SERF2: variants seen among roughly 807,000 people sequenced by gnomAD.
SERF2 encodes gastric cancer-related protein VRG107.
Under a neutral mutation model 10.7 loss-of-function variants are expected in SERF2, and 4 were observed. The ratio of observed to expected loss-of-function variants is 0.37; its 90% confidence interval spans 0.18 to 0.86. The LOEUF is 0.86. Ranked by LOEUF, SERF2 falls within the 40% of genes least tolerant of loss-of-function variation. The probability of loss-of-function intolerance (pLI) is 0.43; values close to 1 mark genes in which losing one functional copy is unlikely to be tolerated. For missense variants in SERF2, 47 were observed against 79.1 expected (o/e 0.59, Z 1.54); for synonymous variants, 26 against 26.0 (o/e 1.00, Z 0.01).
rs1002268292 is a variant in SERF2, at chr15:43,792,442, G to C, written c.7+59G>C. ...CTTTCCGTTCACCCTAAACACCACC[G>C]GCGAGGCGCCGGCTTTGACCTTCCG... On this transcript the variant is annotated intron_variant, in intron 1 of 2. Coordinates refer to ENST00000249786, the MANE Select transcript of SERF2 (RefSeq NM_001018108.4). The C allele has an allele frequency of 5.0e-6, 8 of 1,613,320 alleles. No homozygotes were observed. In the African/African-American group the frequency reaches 1.1e-4, roughly 22 times the overall value.
chr15:43,787,388 T>C (rs1184088571), upstream of SERF2, among the ~76,000 whole-genome samples: 3 of 152,132 alleles, frequency 2.0e-5, no homozygotes, highest in Non-Finnish European at 2.9e-5. Context: ...GAGTATAGGC[T>C]GGAGGGGAAG....
rs2087146309 is a variant in SERF2 at position 43,794,186 on chromosome 15, C to T, written c.*413C>T. The T allele has an allele frequency of 3.7e-6, 2 of 534,012 alleles. No homozygotes were observed. The highest frequency in any genetic ancestry group is 6.6e-6 in the Non-Finnish European group (2 of 303,788). 33.1% of individuals were successfully genotyped at this position (534,012 alleles called of 1,614,324 possible). ...ATAAGTGAAACATCACAGAAGAAGCCTTTATTATACAATGACAACCAAACA... is the reference window on the plus strand; with the variant it reads ...ATAAGTGAAACATCACAGAAGAAGCTTTTATTATACAATGACAACCAAACA... On this transcript the variant is annotated 3_prime_UTR_variant, in exon 3 of 3. Coordinates refer to ENST00000249786, the MANE Select transcript of SERF2 (RefSeq NM_001018108.4).
chr15:43,792,455 C>T, intron 1 of SERF2, 72 bp downstream of exon 1: 6 of 1,612,844 alleles, frequency 3.7e-6, no homozygotes, highest in East Asian at 2.2e-5. Flanking sequence ...GAGGCGCCGG[C>T]TTTGACCTTC....
intron 2 of SERF2, 69 bp downstream of exon 2, chr15:43,793,152 G>C (rs1055109226): frequency 4.1e-6 from 4 of 976,478 alleles, no homozygotes; most frequent in South Asian, 1.4e-5. Context: ...TAGAAGGAAA[G>C]AGAGCTACCT....
chr15:43,792,588 A>C, intron 1 of SERF2: 1 of 1,449,856 alleles, frequency 6.9e-7, no homozygotes, highest in South Asian at 1.4e-5. Flanking sequence ...GGTTAGGCAT[A>C]GGCCCTCCCG....
At chr15:43,780,300 C>T (rs1021267211) in intron 1 of SERF2, among the ~76,000 whole-genome samples, 6 of 147,214 alleles carry the variant, frequency 4.1e-5, no homozygotes, top group Non-Finnish European at 7.4e-5. Flanking sequence ...CCACCACGCC[C>T]GGCTAATTTT....
In SERF2 at chr15:43,795,725, C is replaced by T. The variant is rs2141689203; in HGVS notation, c.*1952C>T. On this transcript the variant is annotated 3_prime_UTR_variant, in exon 3 of 3. Transcript: ENST00000249786. ...CCACTGTTTCAGGGCAGCAGAAACA[C>T]AGTGAGGGCTTCTGCAAAACAGAAC... 1.2e-6 allele frequency: 2 copies of T among 1,613,984 alleles called. No homozygotes were observed. The highest frequency in any genetic ancestry group is 1.7e-6 in the Non-Finnish European group (2 of 1,179,942).
At chr15:43,787,142 G>A (rs1300290110) in intron 2 of SERF2, among the ~76,000 whole-genome samples, 1 of 152,122 alleles carries the variant, frequency 6.6e-6, no homozygotes, top group African/African-American at 2.4e-5. Flanking sequence ...TGGGACTACA[G>A]GCGCCTGCAA....
intron 2 of SERF2, 112 bp from the exon 3 acceptor site, chr15:43,793,598 G>A (rs2087125071): frequency 1.3e-6 from 2 of 1,591,322 alleles, no homozygotes; most frequent in African/African-American, 2.7e-5. Context: ...GCAGCCAAAC[G>A]CTGAACTTAG....
chr15:43,787,237 G>A (rs537915378), intron 2 of SERF2, among the ~76,000 whole-genome samples: 1 of 152,212 alleles, frequency 6.6e-6, no homozygotes, highest in African/African-American at 2.4e-5. Flanking sequence ...CTGACCTCAT[G>A]ATCAGCCCGC....
chr15:43,780,889 AT>A (rs2086959146), intron 1 of SERF2, among the ~76,000 whole-genome samples: 1 of 152,034 alleles, frequency 6.6e-6, no homozygotes, highest in South Asian at 2.1e-4. Flanking sequence ...TTTTTTCACA[AT>A]TTCACGAATA....
Position 43,793,762 on chromosome 15 carries a change from G to A in SERF2, c.169G>A (p.Glu57Lys). 10 of 1,614,196 alleles carry A rather than the reference G, an allele frequency of 6.2e-6. No homozygotes were observed. The highest frequency in any genetic ancestry group is 7.6e-6 in the Non-Finnish European group (9 of 1,180,022). The change falls in exon 3 of 3, where the codon GAA (glutamate) becomes AAA (lysine). Residue 57 changes from glutamate (E) to lysine (K), a missense_variant. Transcript: ENST00000249786. ...GAAAAAGGCAAACGAGAAGAAGGAG[G>A]AACCCAAGTAGCTTTGTGGCTTCGT... ...KQKKANEKKE[E>K]PK
At chr15:43,792,918 T>C (rs1596040252) in intron 1 of SERF2, 57 bp from the exon 2 acceptor site, 17 of 1,278,154 alleles carry the variant, frequency 1.3e-5, no homozygotes, top group Non-Finnish European at 1.9e-5. Context: ...GGTAGAAGGG[T>C]CGCCGGTGTG....
intron 1 of SERF2, among the ~76,000 whole-genome samples, chr15:43,784,562 G>T (rs577955832): frequency 6.6e-6 from 1 of 151,754 alleles, no homozygotes; most frequent in East Asian, 1.9e-4. Context: ...TCCGCCTTCC[G>T]GGTTCACGCC....
chr15:43,777,656 GC>G (rs1187032640), intron 1 of SERF2: 1 of 157,928 alleles, frequency 6.3e-6, no homozygotes, highest in Non-Finnish European at 1.4e-5. Context: ...TCACCTCGTG[GC>G]CTAAACACGC....
In SERF2 at chr15:43,794,031, A is replaced by C; in HGVS notation, c.*258A>C. On this transcript the variant is annotated 3_prime_UTR_variant, in exon 3 of 3. Transcript: ENST00000249786. ...GTGGGGCTCACCCCAAAGTATTAAA[A>C]GTAGCTTTGTAATTCCTTGAGCGCC... 1 of 1,419,634 alleles carries C rather than the reference A, an allele frequency of 7.0e-7. No homozygotes were observed. Among genetic ancestry groups the C allele is most frequent in the African/African-American group, 1.4e-5 (1 of 69,560 alleles). 87.9% of individuals were successfully genotyped at this position (1,419,634 alleles called of 1,614,324 possible). A position where few individuals can be genotyped will look rare whatever the true frequency, so the allele number is the denominator to read the frequency against.
chr15:43,794,194 T>C lies in SERF2; in HGVS notation c.*421T>C. ...AACATCACAGAAGAAGCCTTTATTA[T>C]ACAATGACAACCAAACAAGTACTCC... On this transcript the variant is annotated 3_prime_UTR_variant, in exon 3 of 3. Coordinates refer to ENST00000249786, the MANE Select transcript of SERF2 (RefSeq NM_001018108.4). 5.7e-6 allele frequency: 3 copies of C among 523,464 alleles called. No homozygotes were observed. The highest frequency in any genetic ancestry group is 3.6e-5 in the Admixed American group (1 of 27,760). 32.4% of individuals were successfully genotyped at this position (523,464 alleles called of 1,614,324 possible).
upstream of SERF2, among the ~76,000 whole-genome samples, chr15:43,789,231 T>C (rs1596036522): frequency 6.6e-6 from 1 of 151,942 alleles, no homozygotes; most frequent in East Asian, 1.9e-4. Context: ...TTAGCAGTAG[T>C]AACTTGGATC....
chr15:43,786,634 G>T (rs765428660), intron 2 of SERF2, among the ~76,000 whole-genome samples: 10 of 152,148 alleles, frequency 6.6e-5, no homozygotes, highest in Admixed American at 1.3e-4. Context: ...ACTCAAGGTA[G>T]CTTAAACCAA....
Sources: allele counts gnomAD v4.1 joint callset (sites outside exome capture counted in the v4.1 genomes callset), GRCh38; gene constraint gnomAD v4.1.1; transcripts MANE v1.5; gene names NCBI Gene and HGNC (gene_info 2026-07-23, HGNC 2026-07-21).